Variants in STX6 observed in about 807,000 individuals in gnomAD.
STX6 encodes the protein syntaxin-6.
A neutral mutation model predicts 38.0 loss-of-function variants in STX6; 23 were observed. The observed-to-expected ratio is 0.60, with a 90% CI of 0.43 to 0.86. STX6 has a LOEUF of 0.86. Among genes scored for constraint, STX6 ranks in the 40% least tolerant of loss-of-function variants. The probability of loss-of-function intolerance (pLI) is 0.00; values close to 1 mark genes in which losing one functional copy is unlikely to be tolerated. For missense variants in STX6, 274 were observed against 312.9 expected (o/e 0.88, Z 0.94); for synonymous variants, 123 against 107.5 (o/e 1.14, Z -0.89).
At chr1:180,993,306 C>A in intron 4 of STX6, 57 bp downstream of exon 4, 1 of 1,043,042 alleles carries the variant, frequency 9.6e-7, no homozygotes, top group South Asian at 1.3e-5. Context: ...TTTTAAATTC[C>A]AAATATCTAA....
chr1:181,016,725 C>T (rs1210272539), intron 1 of STX6, among the ~76,000 whole-genome samples: 2 of 152,122 alleles, frequency 1.3e-5, no homozygotes. Context: ...ATAACATATA[C>T]CATCTTACTC....
chr1:181,013,232 A>T (rs187683237), intron 1 of STX6, among the ~76,000 whole-genome samples: 2 of 152,252 alleles, frequency 1.3e-5, no homozygotes, highest in East Asian at 3.9e-4. Flanking sequence ...AAGAAAGAGT[A>T]TCTCAGCCAT....
chr1:180,980,206 C>CAAAAAAAAAAAAAAAAAA (rs56336455), intron 7 of STX6, among the ~76,000 whole-genome samples: 2 of 88,250 alleles, frequency 2.3e-5, no homozygotes, highest in Non-Finnish European at 4.4e-5. Context: ...GACTCTGTCT[C>CAAAAAAAAAAAAAAAAAA]AAAAAAAAAA....
At chr1:181,002,445 T>C (rs1409520608) in intron 3 of STX6, among the ~76,000 whole-genome samples, 161 bp downstream of exon 3, 1 of 152,122 alleles carries the variant, frequency 6.6e-6, no homozygotes, top group Non-Finnish European at 1.5e-5. Flanking sequence ...TGAGCCACCA[T>C]GCGCAGCCAA....
At chr1:181,005,268 G>T (rs749592501) in intron 2 of STX6, 26 bp downstream of exon 2, 2 of 1,599,156 alleles carry the variant, frequency 1.3e-6, no homozygotes, top group African/African-American at 2.7e-5. Context: ...TATCCCGAAT[G>T]GCACAGACAC....
rs61473445 is a variant in STX6 at position 180,999,671 on chromosome 1, A to AC, written c.300+2934dup. Among the ~76,000 whole-genome samples, 144 of 151,472 alleles carry AC rather than the reference A, an allele frequency of 9.5e-4. 1 individual carries two copies. Among genetic ancestry groups the AC allele is most frequent in the African/African-American group, 2.9e-3 (121 of 41,316 alleles). On this transcript the variant is annotated intron_variant, in intron 3 of 7. Transcript: ENST00000258301. The stretch of plus-strand genomic sequence containing the variant: ...GTTGAAGCAAATAAAGAAAAAAAAA[A>AC]CCACAAAATGCATAGAGTATCACTG...
chr1:181,013,175 CA>C (rs1224501477), intron 1 of STX6, among the ~76,000 whole-genome samples: 5 of 150,554 alleles, frequency 3.3e-5, no homozygotes, highest in African/African-American at 1.2e-4. Context: ...AAAAAAATCA[CA>C]AAGTTTTCTT....
chr1:181,005,216 A>C, intron 2 of STX6, 78 bp downstream of exon 2: 1 of 1,543,612 alleles, frequency 6.5e-7, no homozygotes, highest in East Asian at 2.3e-5. Flanking sequence ...TTTCATCTAC[A>C]TACTGGAAAC....
In STX6 at chr1:180,973,496, C is replaced by CTGTGAG. The variant is rs1329049834; in HGVS notation, c.*3073_*3074insCTCACA. On this transcript the variant is annotated 3_prime_UTR_variant, in exon 8 of 8. Coordinates refer to ENST00000258301, the MANE Select transcript of STX6 (RefSeq NM_005819.6). The stretch of plus-strand genomic sequence containing the variant: ...GATTTCTTTTCACAGCCCTTAATCT[C>CTGTGAG]ACGAGGTGAGAAGGAGTGGAAGTTG... 4 of 152,646 alleles carry CTGTGAG rather than the reference C, an allele frequency of 2.6e-5. No homozygotes were observed. Among genetic ancestry groups the CTGTGAG allele is most frequent in the Non-Finnish European group, 5.9e-5 (4 of 68,042 alleles). 9.5% of individuals were successfully genotyped at this position (152,646 alleles called of 1,614,324 possible).
In STX6 at chr1:180,988,297, T is replaced by C. The variant is rs779541340; in HGVS notation, c.538A>G (p.Ile180Val). The C allele has an allele frequency of 1.2e-6, 2 of 1,614,082 alleles. No homozygotes were observed. The highest frequency in any genetic ancestry group is 1.1e-5 in the South Asian group (1 of 91,088). ...TGGGACATGTTCTTCAGCACCCCGATGCTGCCAGAGACCAGCTCCAACTGC... is the reference window on the plus strand; with the variant it reads ...TGGGACATGTTCTTCAGCACCCCGACGCTGCCAGAGACCAGCTCCAACTGC... ...DEQLELVSGSIGVLKNMSQRI... is the reference protein window; with the variant it reads ...DEQLELVSGSVGVLKNMSQRI... Residue 180 changes from isoleucine (I) to valine (V), a missense_variant, in exon 6 of 8, where the codon ATC (isoleucine) becomes GTC (valine). Transcript: ENST00000258301.
In STX6 at chr1:180,976,286, A is replaced by C; in HGVS notation, c.*284T>G. 2 of 405,518 alleles carry C rather than the reference A, an allele frequency of 4.9e-6. No individual in the cohort carries two copies. Among genetic ancestry groups the C allele is most frequent in the Non-Finnish European group, 9.3e-6 (2 of 215,592 alleles). 25.1% of individuals were successfully genotyped at this position (405,518 alleles called of 1,614,324 possible). Reference sequence around the variant, plus strand: ...CCCTCCTCAGCAAACGAGGTCCCGGAAGGCAAGGCAGCAGCTAGTTCTCCT... The same window carrying C: ...CCCTCCTCAGCAAACGAGGTCCCGGCAGGCAAGGCAGCAGCTAGTTCTCCT... On this transcript the variant is annotated 3_prime_UTR_variant, in exon 8 of 8. Transcript: ENST00000258301.
At chr1:181,018,388 C>CAAAAAAAAAAAAAA (rs34962747) in intron 1 of STX6, among the ~76,000 whole-genome samples, 4 of 43,038 alleles carry the variant, frequency 9.3e-5, no homozygotes, top group African/African-American at 2.7e-4. Flanking sequence ...GACTCTGTCC[C>CAAAAAAAAAAAAAA]AAAAAAAAAA....
intron 3 of STX6, 86 bp downstream of exon 3, chr1:181,002,520 A>C: frequency 1.1e-6 from 1 of 910,836 alleles, no homozygotes; most frequent in Non-Finnish European, 1.7e-6. Flanking sequence ...TTCAGAGGTG[A>C]CCTATTAGTT....
chr1:180,991,891 T>C (rs1441724294), intron 4 of STX6, among the ~76,000 whole-genome samples: 1 of 149,490 alleles, frequency 6.7e-6, no homozygotes, highest in Non-Finnish European at 1.5e-5. Flanking sequence ...AGATAGGCAA[T>C]ATATAAATAC....
chr1:181,021,247 T>G (rs774531657), intron 1 of STX6, among the ~76,000 whole-genome samples: 2 of 152,166 alleles, frequency 1.3e-5, no homozygotes, highest in Non-Finnish European at 2.9e-5. Context: ...TTAAGAACTT[T>G]CAATCAAGGA....
intron 1 of STX6, among the ~76,000 whole-genome samples, chr1:181,022,200 C>T (rs779243552): frequency 1.3e-5 from 2 of 151,854 alleles, no homozygotes; most frequent in Non-Finnish European, 2.9e-5. Flanking sequence ...GACAATGGAG[C>T]TCACCCCCGT....
At chr1:180,988,580 G>A in intron 5 of STX6, 1 of 427,990 alleles carries the variant, frequency 2.3e-6, no homozygotes, top group South Asian at 2.3e-5. Context: ...AGCGGGGCTT[G>A]AAACCACCAA....
chr1:180,990,194 G>C (rs1389751955), intron 4 of STX6, 85 bp from the exon 5 acceptor site: 1 of 1,536,152 alleles, frequency 6.5e-7, no homozygotes. Context: ...GTGATATAAA[G>C]AGTTTTCACA....
chr1:181,012,262 C>T (rs1016107995), intron 1 of STX6, among the ~76,000 whole-genome samples: 2 of 152,162 alleles, frequency 1.3e-5, no homozygotes, highest in Admixed American at 6.5e-5. Context: ...CCCAGAGAAG[C>T]CTTTTTCAAA....
Sources: gnomAD v4.1 joint callset for allele counts (sites outside exome capture counted in the v4.1 genomes callset) on GRCh38, gnomAD v4.1.1 for gene constraint, MANE v1.5 for transcripts, NCBI Gene and HGNC (gene_info 2026-07-23, HGNC 2026-07-21) for gene names.